Variants in SPON1 observed in about 807,000 individuals in gnomAD.
The protein encoded by SPON1 is spondin-1.
SPON1 carries 52 observed loss-of-function variants against 111.7 expected under a neutral mutation model. The ratio of observed to expected loss-of-function variants is 0.47; its 90% CI spans 0.37 to 0.59. The LOEUF is 0.59. Among genes scored for constraint, SPON1 ranks in the 20% least tolerant of loss-of-function variants. The probability of loss-of-function intolerance (pLI) is 0.00; values close to 1 mark genes in which losing one functional copy is unlikely to be tolerated. For missense variants in SPON1, 957 were observed against 1,068.5 expected (o/e 0.90, Z 1.46); for synonymous variants, 410 against 395.8 (o/e 1.04, Z -0.43).
chr11:14,089,304 A>T (rs1445115237), intron 5 of SPON1, among the ~76,000 whole-genome samples: 2 of 151,918 alleles, frequency 1.3e-5, no homozygotes, highest in African/African-American at 2.4e-5. Flanking sequence ...TGACCTTTGG[A>T]TGGGGTTTTT....
intron 6 of SPON1, among the ~76,000 whole-genome samples, chr11:14,234,522 G>A (rs1457046367): frequency 6.6e-6 from 1 of 152,204 alleles, no homozygotes; most frequent in Non-Finnish European, 1.5e-5. Flanking sequence ...CAGAAAATGA[G>A]GTTAAATCCA....
chr11:14,061,120 T>C (rs1310352744), intron 3 of SPON1, among the ~76,000 whole-genome samples: 3 of 152,328 alleles, frequency 2.0e-5, no homozygotes, highest in African/African-American at 7.2e-5. Flanking sequence ...TTAAGCTCAA[T>C]TTGTGGGACA....
intron 2 of SPON1, among the ~76,000 whole-genome samples, chr11:14,008,743 C>T (rs1248151796): frequency 6.6e-6 from 1 of 152,130 alleles, no homozygotes; most frequent in Non-Finnish European, 1.5e-5. Flanking sequence ...CCTTAAATGG[C>T]CAATCACCCC....
chr11:14,018,618 G>A (rs1038505038), intron 2 of SPON1, among the ~76,000 whole-genome samples: 2 of 152,312 alleles, frequency 1.3e-5, no homozygotes, highest in Middle Eastern at 3.4e-3. Context: ...GTATGATAAG[G>A]CCAGAGACAG....
In SPON1 at chr11:14,144,118, G is replaced by A. The variant is rs189704781; in HGVS notation, c.825+8550G>A. Among the ~76,000 whole-genome samples the A allele has an allele frequency of 1.8e-4, 28 of 152,264 alleles. No individual in the cohort carries two copies. The East Asian group carries it at 3.1e-3, about 17-fold the overall frequency. On this transcript the variant is annotated intron_variant, in intron 6 of 15. Transcript: ENST00000576479. Reference sequence around the variant, plus strand: ...ACCTCTGTTGGTTATGAAATAATACGTGTACAAAGCATGGCTTGGAGTATG... The same window carrying A: ...ACCTCTGTTGGTTATGAAATAATACATGTACAAAGCATGGCTTGGAGTATG...
chr11:14,161,287 T>TTATATATCTGTATATCTA (rs1847959630), intron 6 of SPON1, among the ~76,000 whole-genome samples: 1 of 59,992 alleles, frequency 1.7e-5, no homozygotes, highest in Non-Finnish European at 3.9e-5. Flanking sequence ...CTATATATAT[T>TTATATATCTGTATATCTA]TATATATTTA....
chr11:14,179,577 A>T (rs1848216458), intron 6 of SPON1, among the ~76,000 whole-genome samples: 1 of 152,090 alleles, frequency 6.6e-6, no homozygotes. Flanking sequence ...GACATATCTG[A>T]CTGGGACTGC....
intron 6 of SPON1, among the ~76,000 whole-genome samples, chr11:14,197,859 T>C (rs963479960): frequency 2.0e-5 from 3 of 152,070 alleles, no homozygotes; most frequent in Non-Finnish European, 4.4e-5. Context: ...AAATTATAAA[T>C]GCTAAGTACA....
At chr11:14,013,593 G>A (rs782636269) in intron 2 of SPON1, among the ~76,000 whole-genome samples, 2 of 152,148 alleles carry the variant, frequency 1.3e-5, no homozygotes, top group Admixed American at 6.6e-5. Context: ...AGGATCTTCT[G>A]GGGTACATAC....
In SPON1 at chr11:14,267,314, T is replaced by C. The variant is rs1444066191; in HGVS notation, c.*1627T>C. 3.9e-5 allele frequency: 6 copies of C among 152,228 alleles called. No homozygotes were observed. The highest frequency in any genetic ancestry group is 4.4e-5 in the Non-Finnish European group (3 of 68,046). 9.4% of individuals were successfully genotyped at this position (152,228 alleles called of 1,614,324 possible). On this transcript the variant is annotated 3_prime_UTR_variant, in exon 16 of 16. Transcript: ENST00000576479. ...AGATAGGGCTTTTGCTCCCTTGTTC[T>C]TGGAGGGACCATTATTACATCTCTG... is the stretch of plus-strand genomic sequence containing the variant.
chr11:14,086,672 G>A (rs1849009315), intron 5 of SPON1, among the ~76,000 whole-genome samples: 1 of 152,304 alleles, frequency 6.6e-6, no homozygotes, highest in East Asian at 1.9e-4. Flanking sequence ...AAATGAGTTG[G>A]GGAGGAGTTC....
intron 2 of SPON1, among the ~76,000 whole-genome samples, chr11:13,984,994 T>C (rs1554910150): frequency 6.6e-6 from 1 of 152,212 alleles, no homozygotes; most frequent in African/African-American, 2.4e-5. Context: ...GTTCTCAGAA[T>C]GCAGTCTCAG....
chr11:13,977,347 T>C (rs1458668277), intron 1 of SPON1, among the ~76,000 whole-genome samples: 2 of 152,220 alleles, frequency 1.3e-5, no homozygotes, highest in African/African-American at 4.8e-5. Flanking sequence ...CTGGATATTG[T>C]TAATTCTTTT....
At chr11:14,258,861 T>C (rs1242144581) in intron 11 of SPON1, among the ~76,000 whole-genome samples, 3 of 152,168 alleles carry the variant, frequency 2.0e-5, no homozygotes, top group Non-Finnish European at 4.4e-5. Flanking sequence ...GCCTCTTTCT[T>C]GGGGCTGGGA....
At chr11:14,199,725 T>C (rs1432926556) in intron 6 of SPON1, among the ~76,000 whole-genome samples, 2 of 152,244 alleles carry the variant, frequency 1.3e-5, no homozygotes, top group African/African-American at 2.4e-5. Context: ...CATGCTCATA[T>C]GTATGTGCAT....
At chr11:14,100,566 A>G (rs1554924293) in intron 5 of SPON1, among the ~76,000 whole-genome samples, 2 of 152,178 alleles carry the variant, frequency 1.3e-5, no homozygotes, top group Non-Finnish European at 2.9e-5. Flanking sequence ...AGCATACTTT[A>G]TAATTCCTTT....
chr11:14,141,765 T>G (rs1255552707), intron 6 of SPON1, among the ~76,000 whole-genome samples: 1 of 152,254 alleles, frequency 6.6e-6, no homozygotes, highest in Non-Finnish European at 1.5e-5. Context: ...CTATTGTTTT[T>G]TTCTGATTTT....
At chr11:14,244,914 C>T (rs540389395) in intron 7 of SPON1, among the ~76,000 whole-genome samples, 11 of 152,320 alleles carry the variant, frequency 7.2e-5, no homozygotes, top group African/African-American at 2.6e-4. Context: ...GCACCTCATA[C>T]AGGCCACCCC....
intron 2 of SPON1, among the ~76,000 whole-genome samples, chr11:14,013,488 T>A (rs1848421105): frequency 6.6e-6 from 1 of 152,194 alleles, no homozygotes; most frequent in Admixed American, 6.5e-5. Context: ...AGGAGGGAGT[T>A]AAGGAGCTTA....
Sources: gnomAD v4.1 joint callset for allele counts (sites outside exome capture counted in the v4.1 genomes callset) on GRCh38, gnomAD v4.1.1 for gene constraint, MANE v1.5 for transcripts, NCBI Gene and HGNC (gene_info 2026-07-23, HGNC 2026-07-21) for gene names.